SPG7: variants seen among roughly 807,000 people sequenced by gnomAD.
The protein encoded by SPG7 is SPG7 matrix AAA peptidase subunit, paraplegin, also known as mitochondrial inner membrane m-AAA protease component paraplegin.
Under a neutral mutation model 81.9 loss-of-function variants are expected in SPG7, and 103 were observed. The observed-to-expected ratio is 1.26, with a 90% CI of 1.07 to 1.48. The LOEUF is 1.48. Among genes scored for constraint, SPG7 ranks in the 40% most tolerant of loss-of-function variants. The pLI, the probability that SPG7 is intolerant of heterozygous loss-of-function variation, is 0.00. For missense variants in SPG7, 1,241 were observed against 1,087.3 expected, an observed-to-expected ratio of 1.14 and a Z score of -1.99; for synonymous variants, 534 against 444.2, an observed-to-expected ratio of 1.20 and a Z score of -2.54.
At chr16:89,542,523 G>C (rs1567924133) in intron 9 of SPG7, among the ~76,000 whole-genome samples, 1 of 152,220 alleles carries the variant, frequency 6.6e-6, no homozygotes, top group Non-Finnish European at 1.5e-5. Context: ...TAGCATCCCA[G>C]CTTATCACAT....
At chr16:89,553,757 G>T (rs1399782929) in intron 14 of SPG7, 37 bp from the exon 15 acceptor site, 4 of 1,611,206 alleles carry the variant, frequency 2.5e-6, no homozygotes, top group Non-Finnish European at 3.4e-6. Flanking sequence ...TGCGCCTGCA[G>T]TGCTGAGGAT....
At chr16:89,528,339 C>G (rs1286953506) in intron 5 of SPG7, among the ~76,000 whole-genome samples, 1 of 150,856 alleles carries the variant, frequency 6.6e-6, no homozygotes, top group South Asian at 2.1e-4. Context: ...TTACAGTGAG[C>G]CAAGATAGCA....
At chr16:89,552,873 C>T in intron 13 of SPG7, 106 bp from the exon 14 acceptor site, 2 of 1,110,356 alleles carry the variant, frequency 1.8e-6, no homozygotes, top group Admixed American at 1.9e-5. Flanking sequence ...CATTTGCCTT[C>T]CTGCTTTGAG....
At chr16:89,553,264 A>C in intron 14 of SPG7, 129 bp downstream of exon 14, 1 of 1,026,382 alleles carries the variant, frequency 9.7e-7, no homozygotes, top group Admixed American at 2.0e-5. Flanking sequence ...GTATTTTGTA[A>C]AAGATAAGTT....
At chr16:89,514,904 A>T (rs931622658) in intron 3 of SPG7, among the ~76,000 whole-genome samples, 3 of 148,632 alleles carry the variant, frequency 2.0e-5, no homozygotes, top group Non-Finnish European at 3.0e-5. Context: ...TGCTGAGATT[A>T]CAGGTGTGAA....
chr16:89,531,526 A>C, intron 7 of SPG7: 1 of 313,164 alleles, frequency 3.2e-6, no homozygotes, highest in South Asian at 2.8e-5. Flanking sequence ...GGCGCCCACC[A>C]CCATGCACGG....
chr16:89,531,380 A>T (rs910461595), intron 7 of SPG7: 2 of 177,242 alleles, frequency 1.1e-5, no homozygotes, highest in Non-Finnish European at 2.4e-5. Context: ...TATTTAATTA[A>T]TTTTTTTTTT....
chr16:89,548,339 A>G (rs1425141901), intron 12 of SPG7: 2 of 520,936 alleles, frequency 3.8e-6, no homozygotes, highest in Non-Finnish European at 6.8e-6. Context: ...ACAGAAATAA[A>G]AAATGCCTTG....
chr16:89,535,563 G>A (rs1044719594), intron 9 of SPG7, among the ~76,000 whole-genome samples: 1 of 152,160 alleles, frequency 6.6e-6, no homozygotes, highest in African/African-American at 2.4e-5. Flanking sequence ...TGCACACACA[G>A]CAAGTGGTCA....
At position 89,536,646 on chromosome 16, in the gene SPG7, TGGGCGAGGCAGGCGAGGCGGGTGAGATC is replaced by T. The variant is rs1314146907; in HGVS notation, c.1324+4020_1324+4047del. 1.1e-4 allele frequency: 129 copies of T among 1,168,988 alleles called. No individual in the cohort carries two copies. The East Asian group carries it at 2.0e-3, about 18-fold the overall frequency. The allele number at this position is 1,168,988 out of a possible 1,614,324, so 72.4% of individuals were successfully genotyped here. A position where few individuals can be genotyped will look rare whatever the true frequency, so the allele number is the denominator to read the frequency against. On this transcript the variant is annotated intron_variant, in intron 9 of 16. Transcript: ENST00000645818. ...GTGAGGGCGGGTGAGGCGGGCGAGG[TGGGCGAGGCAGGCGAGGCGGGTGAGATC>T]GGGCGAGGCGGGCGGCTGCGCTGCT...
At chr16:89,541,861 A>C (rs981393200) in intron 9 of SPG7, 1 of 151,804 alleles carries the variant, frequency 6.6e-6, no homozygotes, top group African/African-American at 2.4e-5. Flanking sequence ...GGAAGTCTGT[A>C]TCCTGAAACC....
chr16:89,530,760 A>G lies in SPG7; in HGVS notation c.939A>G (p.Gly313=). 3 of 1,614,190 alleles carry G rather than the reference A, an allele frequency of 1.9e-6. No homozygotes were observed. Among genetic ancestry groups the G allele is most frequent in the Non-Finnish European group, 2.5e-6 (3 of 1,180,038 alleles). ...GAGTCAGCTTCAAAGACGTGGCAGG[A>G]ATGCACGAAGCCAAACTGGAAGTCC... is the stretch of plus-strand genomic sequence containing the variant. ...GKGVSFKDVA[G]MHEAKLEVRE... is the part of the protein sequence containing the mutation. The change falls in exon 7 of 17, where the codon GGA becomes GGG. Residue 313 remains glycine (G), a synonymous_variant. Coordinates refer to ENST00000645818, the MANE Select transcript of SPG7 (RefSeq NM_003119.4).
At chr16:89,526,212 C>T in intron 4 of SPG7, 117 bp from the exon 5 acceptor site, 1 of 1,187,652 alleles carries the variant, frequency 8.4e-7, no homozygotes, top group Admixed American at 1.7e-5. Flanking sequence ...GAATGGTGTC[C>T]TCTTCACAAT....
In SPG7 at chr16:89,510,565, A is replaced by G. The variant is rs1202954508; in HGVS notation, c.259A>G (p.Asn87Asp). The change falls in exon 2 of 17, where the codon AAT becomes GAT. Residue 87 changes from asparagine to aspartate, a missense_variant. Transcript: ENST00000645818. ...GTTGTTGAAACAACATTTAGTTCAG[A>G]ATCCAGTCAGACTCTGGCAACTTTT... ...GLLLKQHLVQ[N>D]PVRLWQLLGG... is the part of the protein sequence containing the mutation. 1 of 1,612,904 alleles carries G rather than the reference A, an allele frequency of 6.2e-7. No homozygotes were observed. Among genetic ancestry groups the G allele is most frequent in the Non-Finnish European group, 8.5e-7 (1 of 1,179,116 alleles).
chr16:89,529,347 G>A (rs1022474213), intron 5 of SPG7, 130 bp from the exon 6 acceptor site: 3 of 710,180 alleles, frequency 4.2e-6, no homozygotes, highest in South Asian at 3.0e-5. Context: ...TTTAATCTGC[G>A]CATCGGTCCC....
chr16:89,514,855 C>G (rs2058073426), intron 3 of SPG7, among the ~76,000 whole-genome samples: 1 of 151,924 alleles, frequency 6.6e-6, no homozygotes, highest in Non-Finnish European at 1.5e-5. Context: ...GTCTCAAACT[C>G]CTGACCTCAG....
chr16:89,509,091 A>G, intron 1 of SPG7: 1 of 402,920 alleles, frequency 2.5e-6, no homozygotes. Flanking sequence ...CGTTATTGAT[A>G]CAGTCATTGA....
intron 7 of SPG7, 123 bp from the exon 8 acceptor site, chr16:89,531,781 T>C (rs1431639107): frequency 3.9e-5 from 36 of 922,900 alleles, no homozygotes; most frequent in Non-Finnish European, 5.4e-5. Context: ...AGTTTGAGGC[T>C]GCAGTGAGCT....
chr16:89,531,231 T>G, intron 7 of SPG7: 2 of 343,890 alleles, frequency 5.8e-6, no homozygotes, highest in Non-Finnish European at 1.1e-5. Flanking sequence ...CTGACATGTG[T>G]TCCCTCTGCA....
Sources: allele counts gnomAD v4.1 joint callset (sites outside exome capture counted in the v4.1 genomes callset), GRCh38; gene constraint gnomAD v4.1.1; transcripts MANE v1.5; gene names NCBI Gene and HGNC (gene_info 2026-07-23, HGNC 2026-07-21).